LARGE2: variants seen among roughly 807,000 people sequenced by gnomAD.
LARGE2 encodes xylosyl- and glucuronyltransferase LARGE2.
Under a neutral mutation model 75.3 loss-of-function variants are expected in LARGE2, and 63 were observed. That is an observed-to-expected ratio of 0.84 (90% CI 0.68 to 1.03). LARGE2 has a LOEUF of 1.03. Ranked by LOEUF, LARGE2 falls within the 50% of genes least tolerant of loss-of-function variation. The probability of loss-of-function intolerance (pLI) is 0.00; values close to 1 mark genes in which losing one functional copy is unlikely to be tolerated. For synonymous variants in LARGE2, 428 were observed against 420.1 expected (o/e 1.02, Z -0.23); for missense variants, 925 against 980.6 (o/e 0.94, Z 0.76).
Position 45,927,425 on chromosome 11 carries a change from C to T in LARGE2, c.1436C>T (p.Pro479Leu). The T allele has an allele frequency of 1.9e-6, 3 of 1,614,226 alleles. No individual in the cohort carries two copies. The highest frequency in any genetic ancestry group is 2.5e-6 in the Non-Finnish European group (3 of 1,180,046). ...QQFLHFVEAS[P>L]VLAARQDVAY... ...TTCCTGCATTTCGTCGAGGCCTCAC[C>T]AGTGCTTGCTGCCCGGCAGGACGTG... The change falls in exon 11 of 14, where the codon CCA becomes CTA. Residue 479 changes from proline (P) to leucine (L), a missense_variant. Pro to Leu is a moderately conservative substitution (Grantham distance 98). This residue lies in a region of LARGE2 where 469 missense variants were observed against 503.8 expected (regional missense o/e 0.93). Transcript: ENST00000401752.
chr11:45,926,848 TG>T lies in LARGE2; in HGVS notation c.1303del (p.Val435TrpfsTer23). On this transcript the variant is annotated frameshift_variant, in exon 10 of 14. Coordinates refer to ENST00000401752, the MANE Select transcript of LARGE2 (RefSeq NM_001300721.2). LOFTEE classifies it high-confidence loss of function. ...CCCCCCGGCCTCACGATGTCACCCT[TG>T]TGGCCCAGCTGTCCATGGACCGGTG... Reference protein sequence around the residue: ...PPPRPHDVTLVAQLSMDRLQM... With the variant: ...PPPRPHDVTLXAQLSMDRLQM... 1 of 1,612,228 alleles carries T rather than the reference TG, an allele frequency of 6.2e-7. No individual in the cohort carries two copies.
chr11:45,922,571 G>C (rs1421092104), upstream of LARGE2: 2 of 210,954 alleles, frequency 9.5e-6, no homozygotes, highest in Admixed American at 1.2e-4. Context: ...GCGGGGCCAG[G>C]ACCCCGGGGG....
At position 45,924,831 on chromosome 11, in the gene LARGE2, G is replaced by T; in HGVS notation, c.711G>T (p.Leu237=). Residue 237 remains leucine (L), a synonymous_variant, in exon 6 of 14, where the codon CTG becomes CTT. Transcript: ENST00000401752. The stretch of plus-strand genomic sequence containing the variant: ...TGGAGAACCAGAGTGACTGGTACCT[G>T]GGCAACCTCTGGAAGAACCACAGGC... ...GLVENQSDWY[L]GNLWKNHRPW... The T allele has an allele frequency of 6.6e-7, 1 of 1,512,694 alleles. No homozygotes were observed. The highest frequency in any genetic ancestry group is 8.8e-7 in the Non-Finnish European group (1 of 1,130,006). 93.7% of individuals were successfully genotyped at this position (1,512,694 alleles called of 1,614,324 possible).
intron 8 of LARGE2, 40 bp downstream of exon 8, chr11:45,926,387 G>A: frequency 4.3e-6 from 7 of 1,613,740 alleles, no homozygotes; most frequent in Non-Finnish European, 5.9e-6. Flanking sequence ...GGGGGGCCAT[G>A]GATGGAGACT....
chr11:45,923,761 C>A (rs2087020931), intron 3 of LARGE2, among the ~76,000 whole-genome samples: 1 of 151,628 alleles, frequency 6.6e-6, no homozygotes, highest in African/African-American at 2.4e-5. Flanking sequence ...CCGAGGCGGG[C>A]GGATCACGAG....
chr11:45,927,460 G>A lies in LARGE2; in HGVS notation c.1471G>A (p.Val491Met), dbSNP rs893667452. 6.2e-7 allele frequency: 1 copy of A among 1,614,234 alleles called. No homozygotes were observed. Among genetic ancestry groups the A allele is most frequent in the African/African-American group, 1.3e-5 (1 of 75,070 alleles). Reference sequence around the variant, plus strand: ...TGCCCGGCAGGACGTGGCCTACCATGTGGTGTACCGTGAGGGGCCCCTATA... The same window carrying A: ...TGCCCGGCAGGACGTGGCCTACCATATGGTGTACCGTGAGGGGCCCCTATA... Reference protein sequence around the residue: ...LAARQDVAYHVVYREGPLYPV... With the variant: ...LAARQDVAYHMVYREGPLYPV... Residue 491 changes from valine (V) to methionine (M), a missense_variant, in exon 11 of 14, where the codon GTG (valine) becomes ATG (methionine). Transcript: ENST00000401752.
chr11:45,926,406 C>T (rs1479216958), intron 8 of LARGE2, 36 bp from the exon 9 acceptor site: 3 of 1,613,650 alleles, frequency 1.9e-6, no homozygotes, highest in African/African-American at 2.7e-5. Context: ...CTTCTGCTCC[C>T]TGCTCCCATG....
intron 10 of LARGE2, 110 bp downstream of exon 10, chr11:45,926,981 C>T (rs2087182687): frequency 2.6e-6 from 3 of 1,165,916 alleles, no homozygotes; most frequent in Non-Finnish European, 2.4e-6. Flanking sequence ...CTACCTGTCC[C>T]TCAGGGAGTT....
chr11:45,928,803 C>T lies in LARGE2; in HGVS notation c.2124C>T (p.Tyr708=). The change falls in exon 14 of 14, where the codon TAC becomes TAT. Residue 708 remains tyrosine (Y), a synonymous_variant. Coordinates refer to ENST00000401752, the MANE Select transcript of LARGE2 (RefSeq NM_001300721.2). ...SRHHGAAALK[Y]LPALQQPQSP... ...ACCATGGGGCTGCTGCCCTCAAATA[C>T]CTCCCAGCCCTGCAGCAGCCCCAGA... The T allele has an allele frequency of 1.2e-6, 2 of 1,613,636 alleles. No homozygotes were observed. The highest frequency in any genetic ancestry group is 1.7e-6 in the Non-Finnish European group (2 of 1,180,008).
At position 45,923,064 on chromosome 11, in the gene LARGE2, G is replaced by A; in HGVS notation, c.182G>A (p.Arg61Lys). 7.1e-7 allele frequency: 1 copy of A among 1,416,780 alleles called. No homozygotes were observed. 87.8% of individuals were successfully genotyped at this position (1,416,780 alleles called of 1,614,324 possible). ...ATGCCACGTGTCCCCCCAGACGGGA[G>A]GCTGCGGAGAGCCGCCGCCCTCGAC... Reference protein sequence around the residue: ...PLMPRVPPDGRLRRAAALDGD... With the variant: ...PLMPRVPPDGKLRRAAALDGD... The change falls in exon 2 of 14, where the codon AGG (arginine) becomes AAG (lysine). Residue 61 changes from arginine (R) to lysine (K), a missense_variant. Transcript: ENST00000401752.
At chr11:45,924,320 C>G (rs776678364) in intron 4 of LARGE2, 43 bp downstream of exon 4, 6 of 1,605,992 alleles carry the variant, frequency 3.7e-6, no homozygotes, top group Admixed American at 1.7e-5. Context: ...CTGTGTCCAC[C>G]GCTCTCCTCT....
At chr11:45,923,218 G>A in intron 2 of LARGE2, 51 bp downstream of exon 2, 3 of 1,318,788 alleles carry the variant, frequency 2.3e-6, no homozygotes, top group East Asian at 3.1e-5. Flanking sequence ...CCGCCCCCGA[G>A]CCCGGCCTCT....
In LARGE2 at chr11:45,927,562, C is replaced by A. The variant is rs1452630438; in HGVS notation, c.1573C>A (p.Leu525Met). 1 of 1,614,004 alleles carries A rather than the reference C, an allele frequency of 6.2e-7. No homozygotes were observed. The highest frequency in any genetic ancestry group is 1.7e-5 in the Admixed American group (1 of 60,030). ...CGTCTTCCTCAGTGACATTGACTTCCTGCCTGCCTATTCTCTCTACGACTA... is the reference window on the plus strand; with the variant it reads ...CGTCTTCCTCAGTGACATTGACTTCATGCCTGCCTATTCTCTCTACGACTA... ...PYVFLSDIDF[L>M]PAYSLYDYLR... Residue 525 changes from leucine (L) to methionine (M), a missense_variant, in exon 11 of 14, where the codon CTG becomes ATG. By Grantham distance (15) the Leu-to-Met change is conservative. Coordinates refer to ENST00000401752, the MANE Select transcript of LARGE2 (RefSeq NM_001300721.2).
At position 45,925,209 on chromosome 11, in the gene LARGE2, T is replaced by C. The variant is rs369554289; in HGVS notation, c.769+320T>C. ...AGCGCCTCCTCTTCACCCCCGAGGA[T>C]TGACTATTGACAAAAGTAGTCTACG... On this transcript the variant is annotated intron_variant, in intron 6 of 13. Transcript: ENST00000401752. Among the ~76,000 whole-genome samples the C allele has an allele frequency of 3.4e-4, 52 of 152,304 alleles. No homozygotes were observed. The South Asian group carries it at 0.011, about 31-fold the overall frequency.
At position 45,924,398 on chromosome 11, in the gene LARGE2, C is replaced by T. The variant is rs1357826136; in HGVS notation, c.493-108C>T. 9 of 1,562,680 alleles carry T rather than the reference C, an allele frequency of 5.8e-6. No individual in the cohort carries two copies. The East Asian group carries it at 1.8e-4, about 31-fold the overall frequency. On this transcript the variant is annotated intron_variant, in intron 4 of 13. Coordinates refer to ENST00000401752, the MANE Select transcript of LARGE2 (RefSeq NM_001300721.2). ...CCCTCCACCTACTGAAGCGCAAACC[C>T]CTCTCTTTTGGGGGTTTACCCCCTC...
At chr11:45,928,589 G>C (rs746502741) in intron 13 of LARGE2, 41 bp from the exon 14 acceptor site, 2 of 1,595,026 alleles carry the variant, frequency 1.3e-6, no homozygotes, top group East Asian at 2.2e-5. Context: ...CCGCAGGCCA[G>C]GCAAGCCAGG....
intron 6 of LARGE2, 106 bp from the exon 7 acceptor site, chr11:45,925,929 GAACA>G (rs2087121848): frequency 3.4e-6 from 3 of 883,184 alleles, no homozygotes; most frequent in South Asian, 1.7e-5. Flanking sequence ...GATCATGTCT[GAACA>G]GTCAGAAAAT....
Position 45,927,516 on chromosome 11 carries a change from G to A in LARGE2, c.1527G>A (p.Leu509=), listed in dbSNP as rs746170599. ...TCAACCAGCTTCGCAACGTGGCCTTGGCCCAGGCCCTCACGCCTTACGTCT... is the reference window on the plus strand; with the variant it reads ...TCAACCAGCTTCGCAACGTGGCCTTAGCCCAGGCCCTCACGCCTTACGTCT... ...YPVNQLRNVA[L]AQALTPYVFL... is the part of the protein sequence containing the mutation. Residue 509 remains leucine (L), a synonymous_variant, in exon 11 of 14, where the codon TTG becomes TTA. Coordinates refer to ENST00000401752, the MANE Select transcript of LARGE2 (RefSeq NM_001300721.2). 6.2e-7 allele frequency: 1 copy of A among 1,614,074 alleles called. No individual in the cohort carries two copies. The highest frequency in any genetic ancestry group is 1.3e-5 in the African/African-American group (1 of 74,946).
At chr11:45,927,857 G>A (rs1431713873) in intron 11 of LARGE2, 63 bp from the exon 12 acceptor site, 1 of 1,606,052 alleles carries the variant, frequency 6.2e-7, no homozygotes, top group African/African-American at 1.3e-5. Flanking sequence ...GCCCTGATGA[G>A]TGTCACTGGC....
Sources: gnomAD v4.1 joint callset for allele counts (sites outside exome capture counted in the v4.1 genomes callset) on GRCh38, gnomAD v4.1.1 for gene constraint, gnomAD v4.1.1 regional missense constraint, MANE v1.5 for transcripts, NCBI Gene and HGNC (gene_info 2026-07-23, HGNC 2026-07-21) for gene names.